The following ATP1B3 variants were observed in gnomAD, a reference collection of about 807,000 sequenced individuals.
ATP1B3 encodes ATPase Na+/K+ transporting subunit beta 3.
Under a neutral mutation model 30.2 loss-of-function variants are expected in ATP1B3, and 10 were observed. The ratio of observed to expected loss-of-function variants is 0.33; its 90% CI spans 0.20 to 0.56. The LOEUF (loss-of-function observed/expected upper bound fraction) is 0.56, where lower values mean the gene tolerates loss of function less well. ATP1B3 is among the 20% of genes least tolerant of loss of function. The pLI, the probability that ATP1B3 is intolerant of heterozygous loss-of-function variation, is 0.90. For missense variants in ATP1B3, 238 were observed against 336.7 expected, an observed-to-expected ratio of 0.71 and a Z score of 2.29; for synonymous variants, 113 against 117.0, an observed-to-expected ratio of 0.97 and a Z score of 0.22.
rs367691125 is a variant in ATP1B3 at position 141,913,635 on chromosome 3, A to G, written c.347-17A>G. ...CTTTTTTGGCTGATCTAGCACACATATATGTTTCCTTTTTAGCATATACTT... is the reference window on the plus strand; with the variant it reads ...CTTTTTTGGCTGATCTAGCACACATGTATGTTTCCTTTTTAGCATATACTT... On this transcript the variant is annotated splice_polypyrimidine_tract_variant and intron_variant, in intron 3 of 6. Transcript: ENST00000286371. The G allele has an allele frequency of 8.7e-6, 14 of 1,603,704 alleles. No individual in the cohort carries two copies. In the African/African-American group the frequency reaches 1.3e-4, roughly 15 times the overall value.
At chr3:141,894,958 T>C (rs1453322902) in intron 1 of ATP1B3, among the ~76,000 whole-genome samples, 8 of 152,204 alleles carry the variant, frequency 5.3e-5, no homozygotes, top group Non-Finnish European at 1.0e-4. Context: ...CCAGCATTGC[T>C]ACAGACACGT....
chr3:141,898,392 C>CT (rs1280099505), intron 1 of ATP1B3, among the ~76,000 whole-genome samples: 1 of 151,926 alleles, frequency 6.6e-6, no homozygotes, highest in East Asian at 1.9e-4. Context: ...TAAATAACTT[C>CT]TAGAACTTAA....
At chr3:141,900,711 C>T (rs1220075886) in intron 1 of ATP1B3, among the ~76,000 whole-genome samples, 1 of 152,100 alleles carries the variant, frequency 6.6e-6, no homozygotes, top group African/African-American at 2.4e-5. Context: ...CTGGACAGGG[C>T]CCGTTTCTCC....
intron 1 of ATP1B3, among the ~76,000 whole-genome samples, chr3:141,897,650 A>G (rs374210718): frequency 1.3e-5 from 2 of 152,312 alleles, no homozygotes; most frequent in East Asian, 1.9e-4. Context: ...GTGTGTGTAT[A>G]CATACATATA....
chr3:141,902,043 T>G, intron 1 of ATP1B3: 1 of 959,258 alleles, frequency 1.0e-6, no homozygotes, highest in Non-Finnish European at 1.5e-6. Context: ...CTGTATCTTA[T>G]TAAACTGGCC....
chr3:141,876,781 C>G lies in ATP1B3; in HGVS notation c.-21C>G. On this transcript the variant is annotated 5_prime_UTR_variant, in exon 1 of 7. Coordinates refer to ENST00000286371, the MANE Select transcript of ATP1B3 (RefSeq NM_001679.4). ...CTCCATCCCCGCGGCCGCAGCTCCT[C>G]TCGCCGTCCGCGCGCACACCATGAC... is the stretch of plus-strand genomic sequence containing the variant. 6.3e-7 allele frequency: 1 copy of G among 1,582,770 alleles called. No homozygotes were observed. The highest frequency in any genetic ancestry group is 1.1e-5 in the South Asian group (1 of 89,512).
chr3:141,888,898 A>G (rs1019559846), intron 1 of ATP1B3, among the ~76,000 whole-genome samples: 4 of 152,106 alleles, frequency 2.6e-5, no homozygotes, highest in African/African-American at 4.8e-5. Flanking sequence ...AACTGAGTCA[A>G]TTAAACCTCT....
At chr3:141,911,890 C>T (rs1934368892) in intron 3 of ATP1B3, among the ~76,000 whole-genome samples, 1 of 152,278 alleles carries the variant, frequency 6.6e-6, no homozygotes, top group African/African-American at 2.4e-5. Context: ...ATGCCTTCTG[C>T]ATAATCTTAC....
At chr3:141,924,291 C>A (rs1280704178) in intron 6 of ATP1B3, among the ~76,000 whole-genome samples, 1 of 148,292 alleles carries the variant, frequency 6.7e-6, no homozygotes, top group Admixed American at 6.9e-5. Flanking sequence ...TTGCAGTGAG[C>A]CGAGATTGCA....
chr3:141,919,121 A>G (rs761154608), intron 5 of ATP1B3: 8 of 152,308 alleles, frequency 5.3e-5, no homozygotes, highest in Non-Finnish European at 1.0e-4. Flanking sequence ...TTTCTATTAG[A>G]TTTGTCTATG....
chr3:141,915,991 G>GGAGTGCCA lies in ATP1B3; in HGVS notation c.554_561dup (p.Arg188GlufsTer5). On this transcript the variant is annotated frameshift_variant, in exon 5 of 7. Coordinates refer to ENST00000286371, the MANE Select transcript of ATP1B3 (RefSeq NM_001679.4). LOFTEE classifies it high-confidence loss of function. ...TTAGATAATTGGATTAAAGCCTGAA[G>GGAGTGCCA]GAGTGCCAAGGATAGATTGTGTTTC... 3 of 1,606,900 alleles carry GGAGTGCCA rather than the reference G, an allele frequency of 1.9e-6. No homozygotes were observed. Among genetic ancestry groups the GGAGTGCCA allele is most frequent in the Non-Finnish European group, 2.6e-6 (3 of 1,176,346 alleles).
chr3:141,911,492 CT>C (rs60462262), intron 3 of ATP1B3, among the ~76,000 whole-genome samples: 12,942 of 140,682 alleles, frequency 0.092, 596 homozygotes, highest in East Asian at 0.15. Flanking sequence ...TTATCTTGGT[CT>C]TTTTTTTTTT....
intron 1 of ATP1B3, among the ~76,000 whole-genome samples, chr3:141,879,605 C>G (rs1043324797): frequency 6.0e-5 from 9 of 150,790 alleles, no homozygotes; most frequent in Non-Finnish European, 8.9e-5. Context: ...AACCCTGTCT[C>G]TACTAAAAAT....
At chr3:141,880,313 T>C (rs958704615) in intron 1 of ATP1B3, among the ~76,000 whole-genome samples, 1 of 152,216 alleles carries the variant, frequency 6.6e-6, no homozygotes, top group African/African-American at 2.4e-5. Flanking sequence ...AAAATGCTTA[T>C]ATACACATAA....
At chr3:141,902,198 T>C in intron 1 of ATP1B3, 1 of 1,289,786 alleles carries the variant, frequency 7.8e-7, no homozygotes. Flanking sequence ...TCCTCTCTTC[T>C]GTCCTCTCCA....
Position 141,913,729 on chromosome 3 carries a change from G to A in ATP1B3, c.424G>A (p.Val142Ile). 1 of 1,613,930 alleles carries A rather than the reference G, an allele frequency of 6.2e-7. No individual in the cohort carries two copies. Among genetic ancestry groups the A allele is most frequent in the Non-Finnish European group, 8.5e-7 (1 of 1,179,966 alleles). ...TTTTGAACAGAAGGGTCCAGTTTAT[G>A]TTGCATGTCAGTTTCCTATTTCATT... ...ALFEQKGPVY[V>I]ACQFPISLLQ... is the part of the protein sequence containing the mutation. The change falls in exon 4 of 7, where the codon GTT (valine) becomes ATT (isoleucine). Residue 142 changes from valine to isoleucine, a missense_variant. Around this residue, in one of 3 missense-constraint regions of ATP1B3, gnomAD observed 58 missense variants for 125.6 expected, o/e 0.46. Transcript: ENST00000286371.
At chr3:141,895,745 G>C (rs1158773243) in intron 1 of ATP1B3, among the ~76,000 whole-genome samples, 2 of 152,088 alleles carry the variant, frequency 1.3e-5, no homozygotes, top group Non-Finnish European at 2.9e-5. Context: ...TGGATCTTTT[G>C]GTAGGTGTGC....
chr3:141,900,444 G>A (rs2107771209), intron 1 of ATP1B3, among the ~76,000 whole-genome samples: 1 of 152,300 alleles, frequency 6.6e-6, no homozygotes. Context: ...TTGCCTCCCA[G>A]ACCCCATTCT....
intron 5 of ATP1B3, among the ~76,000 whole-genome samples, chr3:141,916,849 G>A (rs1410711398): frequency 6.6e-6 from 1 of 151,850 alleles, no homozygotes; most frequent in African/African-American, 2.4e-5. Flanking sequence ...CTGAGATAGG[G>A]TCCAAAATTT....
Sources: gnomAD v4.1 joint callset for allele counts (sites outside exome capture counted in the v4.1 genomes callset) on GRCh38, gnomAD v4.1.1 for gene constraint, gnomAD v4.1.1 regional missense constraint, MANE v1.5 for transcripts, NCBI Gene and HGNC (gene_info 2026-07-23, HGNC 2026-07-21) for gene names.